Variants in BCAR1 observed in about 807,000 individuals in gnomAD.
BCAR1 encodes the protein BCAR1 scaffold protein, Cas family member.
In BCAR1, 30 loss-of-function variants were observed where a neutral mutation model predicts 67.6. That is an observed-to-expected ratio of 0.44 (90% CI 0.33 to 0.60). BCAR1 has a LOEUF of 0.60. Among genes scored for constraint, BCAR1 ranks in the 20% least tolerant of loss-of-function variants. BCAR1 has a pLI of 0.02. For synonymous variants in BCAR1, 626 were observed against 556.7 expected (o/e 1.12, Z -1.75); for missense variants, 1,313 against 1,222.3 (o/e 1.07, Z -1.11).
chr16:75,231,824 C>T (rs1323133158), intron 6 of BCAR1, among the ~76,000 whole-genome samples: 1 of 152,332 alleles, frequency 6.6e-6, no homozygotes, highest in Non-Finnish European at 1.5e-5. Flanking sequence ...GAAAACACGG[C>T]GATCCCAGAG....
upstream of BCAR1, among the ~76,000 whole-genome samples, chr16:75,254,355 CTG>C (rs2077735643): frequency 6.6e-6 from 1 of 152,164 alleles, no homozygotes; most frequent in African/African-American, 2.4e-5. Context: ...CCCAGTAAAA[CTG>C]AGCTCAGCAC....
At chr16:75,265,831 G>A (rs1043383492) in intron 1 of BCAR1, 12 of 1,189,020 alleles carry the variant, frequency 1.0e-5, no homozygotes, top group Non-Finnish European at 1.2e-5. Context: ...TCACAGGCAC[G>A]GACATCTTGG....
rs2077405283 is a variant in BCAR1 at position 75,243,009 on chromosome 16, C to G, written c.94G>C (p.Val32Leu). 2 of 1,613,440 alleles carry G rather than the reference C, an allele frequency of 1.2e-6. No homozygotes were observed. Among genetic ancestry groups the G allele is most frequent in the African/African-American group, 2.7e-5 (2 of 75,064 alleles). The change falls in exon 2 of 7, where the codon GTG (valine) becomes CTG (leucine). Residue 32 changes from valine (V) to leucine (L), a missense_variant. Val to Leu is a conservative substitution (Grantham distance 32, BLOSUM62 1). Transcript: ENST00000162330. ...AGGCCCTGCGTGTCCTGCTCCAGCA[C>G]CGTCATGATGTCACCCTTGCGGAAG... ...LSFRKGDIMT[V>L]LEQDTQGLDG...
At chr16:75,248,394 T>C in intron 1 of BCAR1, 1 of 1,204,418 alleles carries the variant, frequency 8.3e-7, no homozygotes, top group African/African-American at 1.6e-5. Flanking sequence ...TCTATTTGCT[T>C]GTCCCAAAGA....
chr16:75,238,402 C>T (rs2077216247), intron 2 of BCAR1: 1 of 1,068,700 alleles, frequency 9.4e-7, no homozygotes, highest in African/African-American at 1.7e-5. Flanking sequence ...TGACTCAGGG[C>T]CTCCCCGCAC....
At chr16:75,238,928 AC>A in intron 2 of BCAR1, 1 of 985,290 alleles carries the variant, frequency 1.0e-6, no homozygotes. Context: ...CTCAGCCAGG[AC>A]CCAGCACCAG....
At chr16:75,243,618 A>G in intron 1 of BCAR1, 2 of 428,362 alleles carry the variant, frequency 4.7e-6, no homozygotes, top group Non-Finnish European at 9.3e-6. Flanking sequence ...TAGAAACTTC[A>G]AACACCTTCC....
chr16:75,230,228 C>T (rs2076853606), intron 6 of BCAR1, among the ~76,000 whole-genome samples: 2 of 152,192 alleles, frequency 1.3e-5, no homozygotes, highest in Admixed American at 1.3e-4. Flanking sequence ...GTTACCCTTC[C>T]ACCAGTCTCA....
In BCAR1 at chr16:75,250,740, C is replaced by G. The variant is rs1042587828; in HGVS notation, c.12+731G>C. The G allele has an allele frequency of 1.6e-5, 16 of 985,450 alleles. No individual in the cohort carries two copies. The African/African-American group carries it at 2.8e-4, about 17-fold the overall frequency. 61.0% of individuals were successfully genotyped at this position (985,450 alleles called of 1,614,324 possible). ...CCCTGCTCTAGCTCTTGCGGGTCCC[C>G]CAACCATGGACTCCAAAGCCTTCAT... On this transcript the variant is annotated intron_variant, in intron 1 of 6. Transcript: ENST00000162330.
chr16:75,238,163 G>T, intron 2 of BCAR1: 1 of 1,272,022 alleles, frequency 7.9e-7, no homozygotes, highest in Admixed American at 2.4e-5. Context: ...GGCCTGCCCA[G>T]GGCCACAGGA....
At position 75,235,573 on chromosome 16, in the gene BCAR1, G is replaced by C. The variant is rs2077086083; in HGVS notation, c.1326C>G (p.Ser442=). 3 of 1,596,168 alleles carry C rather than the reference G, an allele frequency of 1.9e-6. No individual in the cohort carries two copies. The highest frequency in any genetic ancestry group is 2.3e-5 in the East Asian group (1 of 43,990). The change falls in exon 5 of 7, where the codon TCC becomes TCG. Residue 442 remains serine, a synonymous_variant. Coordinates refer to ENST00000162330, the MANE Select transcript of BCAR1 (RefSeq NM_014567.5). ...TGSTRSSQSA[S]SLEVAGPGRE... ...GGCCCGGCCCTGCCACCTCCAAGGAGGACGCAGACTGGCTGCTGCGTGTGC... is the reference window on the plus strand; with the variant it reads ...GGCCCGGCCCTGCCACCTCCAAGGACGACGCAGACTGGCTGCTGCGTGTGC...
At chr16:75,239,785 C>G (rs1400140648) in intron 2 of BCAR1, among the ~76,000 whole-genome samples, 1 of 152,200 alleles carries the variant, frequency 6.6e-6, no homozygotes, top group Non-Finnish European at 1.5e-5. Context: ...CCCTCCCTCC[C>G]CAGCTCCAGG....
chr16:75,256,460 G>A (rs970260733), upstream of BCAR1, among the ~76,000 whole-genome samples: 1 of 152,026 alleles, frequency 6.6e-6, no homozygotes, highest in Non-Finnish European at 1.5e-5. Context: ...CCGGGGGCAG[G>A]GGCAGTATCC....
chr16:75,264,062 A>G (rs1434435916), intron 1 of BCAR1: 19 of 1,239,986 alleles, frequency 1.5e-5, no homozygotes, highest in Middle Eastern at 6.2e-4. Flanking sequence ...GATGACTCAG[A>G]GCCCGTGATG....
chr16:75,240,367 G>A (rs1314680298), intron 2 of BCAR1, among the ~76,000 whole-genome samples: 1 of 152,162 alleles, frequency 6.6e-6, no homozygotes, highest in Non-Finnish European at 1.5e-5. Flanking sequence ...TGTTACCGCC[G>A]TGCCACCGTA....
chr16:75,238,436 A>G, intron 2 of BCAR1: 2 of 1,026,418 alleles, frequency 1.9e-6, no homozygotes, highest in Non-Finnish European at 2.3e-6. Context: ...GCAGCGCCAA[A>G]GCAGCCCCTC....
intron 1 of BCAR1, chr16:75,264,375 T>G (rs539173688): frequency 2.6e-5 from 40 of 1,530,610 alleles, no homozygotes; most frequent in Middle Eastern, 1.7e-4. Flanking sequence ...GCTCAGGTGG[T>G]CCGCCTTGTC....
At chr16:75,263,580 C>T (rs1049136694) in intron 1 of BCAR1, 2 of 985,372 alleles carry the variant, frequency 2.0e-6, no homozygotes, top group Non-Finnish European at 2.4e-6. Context: ...CCCGGCATCT[C>T]CCCTCCCCCA....
chr16:75,252,514 G>T, upstream of BCAR1: 2 of 1,091,520 alleles, frequency 1.8e-6, no homozygotes, highest in Non-Finnish European at 2.5e-6. Context: ...GTCACCCCAT[G>T]CAGCAGAACC....
Sources: allele counts gnomAD v4.1 joint callset (sites outside exome capture counted in the v4.1 genomes callset), GRCh38; gene constraint gnomAD v4.1.1; transcripts MANE v1.5; gene names NCBI Gene and HGNC (gene_info 2026-07-23, HGNC 2026-07-21).